The following TPCN2 variants were observed in gnomAD, a reference collection of about 807,000 sequenced individuals.
TPCN2 encodes the protein two pore channel protein 2.
TPCN2 carries 92 observed loss-of-function variants against 111.4 expected under a neutral mutation model. That is an observed-to-expected ratio of 0.83 (90% CI 0.70 to 0.98). The LOEUF is 0.98. Ranked by LOEUF, TPCN2 falls within the 50% of genes least tolerant of loss-of-function variation. TPCN2 has a pLI of 0.00. For missense variants in TPCN2, 995 were observed against 980.1 expected (o/e 1.02, Z -0.20); for synonymous variants, 405 against 414.5 (o/e 0.98, Z 0.28).
chr11:69,063,505 C>T (rs1475895446), intron 6 of TPCN2, among the ~76,000 whole-genome samples: 1 of 152,114 alleles, frequency 6.6e-6, no homozygotes, highest in Non-Finnish European at 1.5e-5. Flanking sequence ...GGTCCCGATC[C>T]CCTGCCGCCC....
chr11:69,073,315 G>A (rs1334398323), intron 13 of TPCN2, among the ~76,000 whole-genome samples: 1 of 152,206 alleles, frequency 6.6e-6, no homozygotes, highest in African/African-American at 2.4e-5. Flanking sequence ...CCACACACTG[G>A]TCCTCTCCAA....
At chr11:69,086,204 G>C (rs928187027) in intron 22 of TPCN2, among the ~76,000 whole-genome samples, 2 of 152,204 alleles carry the variant, frequency 1.3e-5, no homozygotes, top group African/African-American at 2.4e-5. Flanking sequence ...AATTCCATGG[G>C]GGTGGGGGAG....
At chr11:69,082,850 T>G (rs150891644) in intron 18 of TPCN2, among the ~76,000 whole-genome samples, 1 of 126,084 alleles carries the variant, frequency 7.9e-6, no homozygotes, top group African/African-American at 2.7e-5. Flanking sequence ...CAGATATCCA[T>G]GTGAACTCGT....
In TPCN2 at chr11:69,079,080, C is replaced by A. The variant is rs1336669767; in HGVS notation, c.1539+60C>A. ...GGCGGGTGGGTGAGCGCCACCTGGG[C>A]TCTGTGCTGGCCCATCTCAGGCCTC... is the stretch of plus-strand genomic sequence containing the variant. On this transcript the variant is annotated intron_variant, in intron 16 of 24. Transcript: ENST00000294309. 7 of 1,557,006 alleles carry A rather than the reference C, an allele frequency of 4.5e-6. No homozygotes were observed. In the African/African-American group the frequency reaches 5.4e-5, roughly 12 times the overall value.
chr11:69,057,446 C>T (rs534041181), intron 4 of TPCN2, 132 bp from the exon 5 acceptor site: 81 of 837,648 alleles, frequency 9.7e-5, no homozygotes, highest in African/African-American at 3.0e-4. Flanking sequence ...CTCTGCGTCC[C>T]GTGGGGACCA....
rs754500754 is a variant in TPCN2, at chr11:69,078,810, C to T, written c.1410+17C>T. 2 of 1,614,114 alleles carry T rather than the reference C, an allele frequency of 1.2e-6. No individual in the cohort carries two copies. Among genetic ancestry groups the T allele is most frequent in the Admixed American group, 1.7e-5 (1 of 60,038 alleles). ...ATCCTGGGGGTAAGTTCTGAGCTGT[C>T]CACCTGTCAGGGCCAGGGTGAGGCT... On this transcript the variant is annotated intron_variant, in intron 15 of 24. Coordinates refer to ENST00000294309, the MANE Select transcript of TPCN2 (RefSeq NM_139075.4).
intron 5 of TPCN2, among the ~76,000 whole-genome samples, chr11:69,060,148 A>G (rs1288336426): frequency 1.3e-5 from 2 of 150,620 alleles, no homozygotes; most frequent in Non-Finnish European, 3.0e-5. Flanking sequence ...CCAGTCTTCC[A>G]CTCTTCTCTC....
intron 18 of TPCN2, among the ~76,000 whole-genome samples, chr11:69,082,795 TCG>T (rs1439590326): frequency 0.13 from 11,072 of 84,100 alleles, 4,202 homozygotes; most frequent in Non-Finnish European, 0.21. Context: ...CCATGTGAAC[TCG>T]TGCCCGTGTA....
intron 5 of TPCN2, among the ~76,000 whole-genome samples, chr11:69,058,577 A>G (rs1854878555): frequency 6.6e-6 from 1 of 152,180 alleles, no homozygotes; most frequent in South Asian, 2.1e-4. Context: ...TAGTGAGTGC[A>G]TCTCCTGTCC....
intron 6 of TPCN2, among the ~76,000 whole-genome samples, chr11:69,063,636 T>C (rs1855123926): frequency 6.6e-6 from 1 of 152,106 alleles, no homozygotes; most frequent in South Asian, 2.1e-4. Flanking sequence ...CCTTGGATGC[T>C]GTCTCAGCTG....
At chr11:69,050,349 G>A (rs1034831742) in intron 1 of TPCN2, among the ~76,000 whole-genome samples, 2 of 152,196 alleles carry the variant, frequency 1.3e-5, no homozygotes, top group Admixed American at 6.5e-5. Context: ...GGCTGCACTG[G>A]CTGTGTGACC....
chr11:69,078,788 C>T lies in TPCN2; in HGVS notation c.1405C>T (p.Leu469=). ...VLPAERDDFI[L]GILNCVFIVY... is the part of the protein sequence containing the mutation. ...GCCTGCTGAGCGTGATGACTTCATC[C>T]TGGGGGTAAGTTCTGAGCTGTCCAC... The change falls in exon 15 of 25, where the codon CTG becomes TTG. Residue 469 remains leucine, a synonymous_variant. Transcript: ENST00000294309. 6.2e-7 allele frequency: 1 copy of T among 1,614,088 alleles called. No homozygotes were observed.
At chr11:69,076,656 TCCCTCCACCTGCCCTCCTGCCGTG>T (rs1855769731) in intron 13 of TPCN2, among the ~76,000 whole-genome samples, 1 of 89,350 alleles carries the variant, frequency 1.1e-5, no homozygotes, top group African/African-American at 4.8e-5. Context: ...TCCTGCCGTG[TCCCTCCACCTGCCCTCCTGCCGTG>T]TCCCTCCACC....
Position 69,057,612 on chromosome 11 carries a change from A to G in TPCN2, c.464A>G (p.Asn155Ser). Residue 155 changes from asparagine to serine, a missense_variant, in exon 5 of 25, where the codon AAC becomes AGC. Transcript: ENST00000294309. ...TTCGGGTGGGCCCATTTCCAGAAAA[A>G]CCTTTGGCTGCTGGGCTACCTCGTG... ...YLFGWAHFQK[N>S]LWLLGYLVVL... 6.2e-7 allele frequency: 1 copy of G among 1,613,312 alleles called. No homozygotes were observed. Among genetic ancestry groups the G allele is most frequent in the Non-Finnish European group, 8.5e-7 (1 of 1,179,848 alleles).
At chr11:69,077,698 T>C (rs1453131317) in intron 13 of TPCN2, among the ~76,000 whole-genome samples, 1 of 152,244 alleles carries the variant, frequency 6.6e-6, no homozygotes, top group South Asian at 2.1e-4. Flanking sequence ...CGATTTTCAC[T>C]CTGCAGCCTG....
At position 69,054,810 on chromosome 11, in the gene TPCN2, C is replaced by G; in HGVS notation, c.251+13C>G. 1 of 1,611,342 alleles carries G rather than the reference C, an allele frequency of 6.2e-7. No homozygotes were observed. The highest frequency in any genetic ancestry group is 1.1e-5 in the South Asian group (1 of 90,852). Reference sequence around the variant, plus strand: ...ACGTATGCCAACGGTGAGAACGCACCCATGTGGAACTCAGGGTTCCTGCCG... The same window carrying G: ...ACGTATGCCAACGGTGAGAACGCACGCATGTGGAACTCAGGGTTCCTGCCG... On this transcript the variant is annotated intron_variant, in intron 3 of 24. Coordinates refer to ENST00000294309, the MANE Select transcript of TPCN2 (RefSeq NM_139075.4).
intron 10 of TPCN2, 86 bp from the exon 11 acceptor site, chr11:69,071,837 C>A: frequency 1.5e-6 from 2 of 1,310,070 alleles, no homozygotes; most frequent in Non-Finnish European, 2.2e-6. Context: ...GACTCCCCCT[C>A]TGCCTGTTCC....
At chr11:69,066,094 T>C (rs941061968) in intron 7 of TPCN2, among the ~76,000 whole-genome samples, 18 of 151,698 alleles carry the variant, frequency 1.2e-4, no homozygotes, top group Admixed American at 6.6e-4. Flanking sequence ...GTCTGTTAGG[T>C]GGTGTGCCTC....
chr11:69,069,253 T>A (rs1855408468), intron 8 of TPCN2, among the ~76,000 whole-genome samples: 1 of 97,222 alleles, frequency 1.0e-5, no homozygotes, highest in Non-Finnish European at 2.2e-5. Context: ...AGCAGGACCG[T>A]CTGAGTCCTA....
Sources: gnomAD v4.1 joint callset for allele counts (sites outside exome capture counted in the v4.1 genomes callset) on GRCh38, gnomAD v4.1.1 for gene constraint, MANE v1.5 for transcripts, NCBI Gene and HGNC (gene_info 2026-07-23, HGNC 2026-07-21) for gene names.